Variants in KPNA5 observed in about 807,000 individuals in gnomAD.
KPNA5 encodes the protein karyopherin subunit alpha 5, also known as importin subunit alpha-6.
In KPNA5, 46 loss-of-function variants were observed where a neutral mutation model predicts 71.3. The observed-to-expected ratio is 0.65, with a 90% CI of 0.51 to 0.83. The LOEUF (loss-of-function observed/expected upper bound fraction) is 0.83. Ranked by LOEUF, KPNA5 falls within the 40% of genes least tolerant of loss-of-function variation. KPNA5 has a pLI of 0.00. For missense variants in KPNA5, 547 were observed against 628.3 expected, an observed-to-expected ratio of 0.87 and a Z score of 1.38; for synonymous variants, 207 against 201.4, an observed-to-expected ratio of 1.03 and a Z score of -0.24.
chr6:116,735,428 G>A lies in KPNA5; in HGVS notation c.*3105G>A, dbSNP rs1277995703. 8 of 151,712 alleles carry A rather than the reference G, an allele frequency of 5.3e-5. No homozygotes were observed. The highest frequency in any genetic ancestry group is 1.7e-4 in the African/African-American group (7 of 41,474). 9.4% of individuals were successfully genotyped at this position (151,712 alleles called of 1,614,324 possible). A position where few individuals can be genotyped will look rare whatever the true frequency, so the allele number is the denominator to read the frequency against. On this transcript the variant is annotated 3_prime_UTR_variant, in exon 14 of 14. Transcript: ENST00000368564. ...TCAAATTGTTCTTAACCTTTATTCAGTTTAGTTTATAGCATTACTGTTTTA... is the reference window on the plus strand; with the variant it reads ...TCAAATTGTTCTTAACCTTTATTCAATTTAGTTTATAGCATTACTGTTTTA...
intron 1 of KPNA5, among the ~76,000 whole-genome samples, chr6:116,687,272 A>ATT (rs1454529183): frequency 1.3e-5 from 2 of 152,048 alleles, no homozygotes; most frequent in Non-Finnish European, 2.9e-5. Flanking sequence ...ATTTTGAGGT[A>ATT]TTTTATACTT....
chr6:116,721,316 C>CT lies in KPNA5; in HGVS notation c.757-801dup, dbSNP rs976797330. Among the ~76,000 whole-genome samples, 6 of 151,082 alleles carry CT rather than the reference C, an allele frequency of 4.0e-5. No homozygotes were observed. The South Asian group carries it at 6.3e-4, about 16-fold the overall frequency. On this transcript the variant is annotated intron_variant, in intron 8 of 13. Transcript: ENST00000368564. Reference sequence around the variant, plus strand: ...GAGATACATAACATATAACATAGTTCTTTTTTTTTGTTTTTTAGTAGAGAT... The same window carrying CT: ...GAGATACATAACATATAACATAGTTCTTTTTTTTTTGTTTTTTAGTAGAGAT...
chr6:116,704,999 A>T, intron 6 of KPNA5, 73 bp from the exon 7 acceptor site: 2 of 993,718 alleles, frequency 2.0e-6, no homozygotes, highest in Non-Finnish European at 3.1e-6. Context: ...TTCATTGTGT[A>T]CTAAAATCTC....
chr6:116,714,212 G>A (rs1027081847), intron 7 of KPNA5, among the ~76,000 whole-genome samples: 1 of 152,170 alleles, frequency 6.6e-6, no homozygotes, highest in African/African-American at 2.4e-5. Flanking sequence ...GTTGCTGCTT[G>A]TTGTAGTTAT....
At chr6:116,729,539 C>T (rs1477723219) in intron 12 of KPNA5, 24 bp from the exon 13 acceptor site, 1 of 1,370,870 alleles carries the variant, frequency 7.3e-7, no homozygotes, top group Non-Finnish European at 9.6e-7. Context: ...TTCCCTGTTT[C>T]TTCTCTTTTA....
rs1172602682 is a variant in KPNA5, at chr6:116,734,288, A to G, written c.*1965A>G. The stretch of plus-strand genomic sequence containing the variant: ...ACCAGCTGTGCCTCCTTTTATTTTG[A>G]GGACCCTGTAGTCACTATAATAAAT... On this transcript the variant is annotated 3_prime_UTR_variant, in exon 14 of 14. Transcript: ENST00000368564. 3.3e-5 allele frequency: 5 copies of G among 151,678 alleles called. No homozygotes were observed. Among genetic ancestry groups the G allele is most frequent in the African/African-American group, 1.2e-4 (5 of 41,414 alleles). The allele number at this position is 151,678 out of a possible 1,614,324, so 9.4% of individuals were successfully genotyped here.
intron 7 of KPNA5, among the ~76,000 whole-genome samples, chr6:116,709,782 T>C (rs74404399): frequency 2.6e-5 from 4 of 151,966 alleles, no homozygotes; most frequent in African/African-American, 4.8e-5. Context: ...TTTTTTTTTT[T>C]CGAGACGGAG....
intron 2 of KPNA5, among the ~76,000 whole-genome samples, chr6:116,691,570 T>C (rs1276967364): frequency 6.6e-6 from 1 of 152,220 alleles, no homozygotes; most frequent in East Asian, 1.9e-4. Context: ...TTCATTTTTA[T>C]CTGCTCCTGA....
At chr6:116,684,078 GATTTTT>G (rs1259981114) in intron 1 of KPNA5, among the ~76,000 whole-genome samples, 1 of 151,470 alleles carries the variant, frequency 6.6e-6, no homozygotes, top group African/African-American at 2.4e-5. Context: ...ATGCCCAGCT[GATTTTT>G]GTATTTTCAG....
intron 7 of KPNA5, among the ~76,000 whole-genome samples, chr6:116,710,789 T>C (rs1470150811): frequency 6.7e-6 from 1 of 149,386 alleles, no homozygotes; most frequent in East Asian, 1.9e-4. Context: ...TGGCTTTTGA[T>C]GATAATATTC....
At chr6:116,683,984 C>T (rs1352454917) in intron 1 of KPNA5, among the ~76,000 whole-genome samples, 1 of 129,984 alleles carries the variant, frequency 7.7e-6, no homozygotes, top group Non-Finnish European at 1.6e-5. Context: ...GCGATCTTGG[C>T]TCACTGCAAC....
At chr6:116,723,695 T>TAA (rs1326281386) in intron 9 of KPNA5, among the ~76,000 whole-genome samples, 1 of 152,078 alleles carries the variant, frequency 6.6e-6, no homozygotes, top group East Asian at 1.9e-4. Context: ...GTATTAGAAA[T>TAA]ACATCACTGG....
At chr6:116,709,259 A>G (rs1028711071) in intron 7 of KPNA5, among the ~76,000 whole-genome samples, 1 of 152,198 alleles carries the variant, frequency 6.6e-6, no homozygotes, top group Non-Finnish European at 1.5e-5. Context: ...GAGGCTGAGT[A>G]GGGAGGGTCG....
chr6:116,741,735 A>G lies in KPNA5; in HGVS notation c.*9412A>G, dbSNP rs1779877249. ...GTTAAAAAACAAACAAAAAACAACA[A>G]AAAAGCGGTGACAGGAAACAGTTAA... On this transcript the variant is annotated 3_prime_UTR_variant, in exon 14 of 14. Transcript: ENST00000368564. The G allele has an allele frequency of 6.6e-6, 1 of 152,480 alleles. No individual in the cohort carries two copies. Among genetic ancestry groups the G allele is most frequent in the East Asian group, 1.9e-4 (1 of 5,196 alleles). 9.4% of individuals were successfully genotyped at this position (152,480 alleles called of 1,614,324 possible). A position where few individuals can be genotyped will look rare whatever the true frequency, so the allele number is the denominator to read the frequency against.
rs1296810989 is a variant in KPNA5 at position 116,735,862 on chromosome 6, T to C, written c.*3539T>C. On this transcript the variant is annotated 3_prime_UTR_variant, in exon 14 of 14. Coordinates refer to ENST00000368564, the MANE Select transcript of KPNA5 (RefSeq NM_001366306.2). ...GAAAGATCAAACTCAGTTATATCAG[T>C]AGTCACAGTAATTACTAATGATTTA... 1.3e-5 allele frequency: 2 copies of C among 151,836 alleles called. No individual in the cohort carries two copies. Among genetic ancestry groups the C allele is most frequent in the Non-Finnish European group, 2.9e-5 (2 of 67,810 alleles). 9.4% of individuals were successfully genotyped at this position (151,836 alleles called of 1,614,324 possible). A position where few individuals can be genotyped will look rare whatever the true frequency, so the allele number is the denominator to read the frequency against.
At chr6:116,727,052 T>C (rs2114497940) in intron 12 of KPNA5, among the ~76,000 whole-genome samples, 1 of 152,252 alleles carries the variant, frequency 6.6e-6, no homozygotes, top group East Asian at 1.9e-4. Flanking sequence ...GCCTTGCCTA[T>C]GGATAGTATC....
chr6:116,712,661 C>T (rs746918964), intron 7 of KPNA5, among the ~76,000 whole-genome samples: 10 of 152,074 alleles, frequency 6.6e-5, no homozygotes, highest in Non-Finnish European at 1.5e-4. Flanking sequence ...GACAGAGTCT[C>T]GTTATGTTGC....
chr6:116,704,721 C>T (rs887845752), intron 6 of KPNA5, among the ~76,000 whole-genome samples: 3 of 151,958 alleles, frequency 2.0e-5, no homozygotes, highest in Admixed American at 2.0e-4. Context: ...ATGACAGGTG[C>T]GTGCCACCAC....
rs2114533548 is a variant in KPNA5, at chr6:116,740,564, AT to A, written c.*8243del. 6.6e-6 allele frequency: 1 copy of A among 152,348 alleles called. No individual in the cohort carries two copies. The highest frequency in any genetic ancestry group is 2.4e-5 in the African/African-American group (1 of 41,574). The allele number at this position is 152,348 out of a possible 1,614,324, so 9.4% of individuals were successfully genotyped here. A position where few individuals can be genotyped will look rare whatever the true frequency, so the allele number is the denominator to read the frequency against. On this transcript the variant is annotated 3_prime_UTR_variant, in exon 14 of 14. Transcript: ENST00000368564. ...GCACACATATGTTTATTGCAGCACT[AT>A]TCACGATAGCAAAGACTTGGAATCA...
Sources: gnomAD v4.1 joint callset for allele counts (sites outside exome capture counted in the v4.1 genomes callset) on GRCh38, gnomAD v4.1.1 for gene constraint, MANE v1.5 for transcripts, NCBI Gene and HGNC (gene_info 2026-07-23, HGNC 2026-07-21) for gene names.